Variants in CARD8 observed in about 807,000 individuals in gnomAD.
CARD8 encodes caspase recruitment domain-containing protein 8.
A neutral mutation model predicts 53.2 loss-of-function variants in CARD8; 38 were observed. The observed-to-expected ratio is 0.71, with a 90% CI of 0.55 to 0.94. The LOEUF (loss-of-function observed/expected upper bound fraction) is 0.94. Among genes scored for constraint, CARD8 ranks in the 40% least tolerant of loss-of-function variants. CARD8 has a pLI of 0.00. For synonymous variants in CARD8, 245 were observed against 244.9 expected (o/e 1.00, Z 0.00); for missense variants, 561 against 655.5 (o/e 0.86, Z 1.57).
Position 48,249,826 on chromosome 19 carries a change from T to C in CARD8, c.-230A>G, listed in dbSNP as rs1404135864. The C allele has an allele frequency of 6.6e-6, 1 of 152,326 alleles. No homozygotes were observed. The highest frequency in any genetic ancestry group is 6.5e-5 in the Admixed American group (1 of 15,272). The allele number at this position is 152,326 out of a possible 1,614,324, so 9.4% of individuals were successfully genotyped here. On this transcript the variant is annotated 5_prime_UTR_variant, in exon 2 of 14. Transcript: ENST00000651546. ...TTGCTTGGACACTGCCAGGCTGCTC[T>C]GTGTTCTGTTCCTCTTGGTCACTTG...
At chr19:48,218,443 C>T (rs543245209) in intron 12 of CARD8, among the ~76,000 whole-genome samples, 15 of 151,190 alleles carry the variant, frequency 9.9e-5, no homozygotes, top group Admixed American at 8.6e-4. Flanking sequence ...CTGCAACCCC[C>T]TCCTGGGTTC....
chr19:48,205,803 G>A (rs2037321961), downstream of CARD8, among the ~76,000 whole-genome samples: 1 of 152,214 alleles, frequency 6.6e-6, no homozygotes, highest in South Asian at 2.1e-4. Flanking sequence ...TGAGTAGGGA[G>A]TGAGGCATGA....
At position 48,208,396 on chromosome 19, in the gene CARD8, G is replaced by C. The variant is rs1047939091; in HGVS notation, c.*3314C>G. On this transcript the variant is annotated 3_prime_UTR_variant, in exon 14 of 14. Transcript: ENST00000651546. ...CACCCAATCTCATAGGCACACACAG[G>C]ATAGATCCGAATACCACTGCAAAGA... 2 of 152,124 alleles carry C rather than the reference G, an allele frequency of 1.3e-5. No homozygotes were observed. The highest frequency in any genetic ancestry group is 4.8e-5 in the African/African-American group (2 of 41,438). 9.4% of individuals were successfully genotyped at this position (152,124 alleles called of 1,614,324 possible).
intron 6 of CARD8, 168 bp downstream of exon 6, chr19:48,234,235 G>A: frequency 1.6e-6 from 1 of 638,988 alleles, no homozygotes. Context: ...AAACCTCATT[G>A]CTTAAGGTTT....
chr19:48,236,205 CTATTTT>C (rs895738943), intron 5 of CARD8, among the ~76,000 whole-genome samples: 5 of 152,196 alleles, frequency 3.3e-5, no homozygotes, highest in African/African-American at 1.2e-4. Context: ...GGTTTCATTT[CTATTTT>C]TATTTTTATT....
At chr19:48,207,035 G>GCA (rs2037375369), downstream of CARD8, among the ~76,000 whole-genome samples, 1 of 151,908 alleles carries the variant, frequency 6.6e-6, no homozygotes, top group Non-Finnish European at 1.5e-5. Flanking sequence ...GGGCGTGGTG[G>GCA]TGGGCACCTG....
chr19:48,232,606 G>C (rs954417702), intron 6 of CARD8, 113 bp from the exon 7 acceptor site: 1 of 870,868 alleles, frequency 1.1e-6, no homozygotes. Flanking sequence ...TAGAGTAGCC[G>C]CTACCCGGAT....
intron 1 of CARD8, 138 bp from the exon 2 acceptor site, chr19:48,249,985 T>G (rs1039473531): frequency 9.8e-6 from 1 of 101,868 alleles, no homozygotes; most frequent in Non-Finnish European, 1.9e-5. Flanking sequence ...TTCAATGACT[T>G]GGCTGGGACA....
chr19:48,249,073 T>C (rs1400030106), intron 3 of CARD8, among the ~76,000 whole-genome samples: 4 of 152,096 alleles, frequency 2.6e-5, no homozygotes, highest in Non-Finnish European at 4.4e-5. Flanking sequence ...GGCGGGCGCC[T>C]GTCACCCCAG....
chr19:48,216,401 C>G (rs937562757), intron 12 of CARD8, among the ~76,000 whole-genome samples: 5 of 152,174 alleles, frequency 3.3e-5, no homozygotes, highest in African/African-American at 1.2e-4. Flanking sequence ...AAACAAAACT[C>G]TGACAATCTG....
intron 11 of CARD8, among the ~76,000 whole-genome samples, chr19:48,221,160 A>G (rs1436099555): frequency 2.6e-5 from 4 of 152,202 alleles, no homozygotes; most frequent in South Asian, 4.1e-4. Context: ...GGAAAAATGT[A>G]AAACCATATG....
In CARD8 at chr19:48,215,293, T is replaced by G. The variant is rs770028248; in HGVS notation, c.1348+47A>C. ...CTTCCACTGTCACTCAAAGACCCCT[T>G]GATGTCTCATACATACCCTTGGCTT... On this transcript the variant is annotated intron_variant, in intron 13 of 13. Coordinates refer to ENST00000651546, the MANE Select transcript of CARD8 (RefSeq NM_001184900.3). The G allele has an allele frequency of 5.0e-6, 7 of 1,403,102 alleles. No individual in the cohort carries two copies. In the East Asian group the frequency reaches 1.6e-4, roughly 32 times the overall value. 86.9% of individuals were successfully genotyped at this position (1,403,102 alleles called of 1,614,324 possible).
rs553544880 is a variant in CARD8, at chr19:48,249,514, C to T, written c.-44+9G>A. ...AGAAGTAAGTGTAGTCGTGTTTTTT[C>T]CTACTCACATTGAAGATGGCCCAGA... On this transcript the variant is annotated intron_variant, in intron 3 of 13. Coordinates refer to ENST00000651546, the MANE Select transcript of CARD8 (RefSeq NM_001184900.3). 6.6e-6 allele frequency: 1 copy of T among 152,210 alleles called. No individual in the cohort carries two copies. The highest frequency in any genetic ancestry group is 6.5e-5 in the Admixed American group (1 of 15,280). The allele number at this position is 152,210 out of a possible 1,614,324, so 9.4% of individuals were successfully genotyped here.
At chr19:48,255,705 G>C (rs1029228593) in intron 1 of CARD8, 87 bp downstream of exon 1, 1 of 152,142 alleles carries the variant, frequency 6.6e-6, no homozygotes, top group African/African-American at 2.4e-5. Flanking sequence ...TGCTGACTAA[G>C]AGGAACAGAA....
At chr19:48,227,233 G>A (rs924948998) in intron 10 of CARD8, among the ~76,000 whole-genome samples, 2 of 152,170 alleles carry the variant, frequency 1.3e-5, no homozygotes, top group African/African-American at 4.8e-5. Context: ...AGAAAGTTGA[G>A]TCAATATATA....
At chr19:48,230,381 G>C (rs2042616254) in intron 10 of CARD8, 57 bp downstream of exon 10, 1 of 1,538,586 alleles carries the variant, frequency 6.5e-7, no homozygotes, top group Non-Finnish European at 8.8e-7. Flanking sequence ...GGGGCCAAGG[G>C]GATAACCTGG....
intron 10 of CARD8, among the ~76,000 whole-genome samples, chr19:48,223,083 C>G (rs959598526): frequency 1.3e-5 from 2 of 152,116 alleles, no homozygotes; most frequent in Non-Finnish European, 2.9e-5. Flanking sequence ...GCAGGCAGAT[C>G]ACCTGAGGTC....
chr19:48,237,142 GGTTTAATTGGC>G (rs1216404484), intron 5 of CARD8, among the ~76,000 whole-genome samples: 1 of 152,018 alleles, frequency 6.6e-6, no homozygotes, highest in Non-Finnish European at 1.5e-5. Flanking sequence ...AAAGAAAAGA[GGTTTAATTGGC>G]TCATGGTGCT....
At chr19:48,254,831 C>A (rs757238639) in intron 1 of CARD8, among the ~76,000 whole-genome samples, 1 of 152,148 alleles carries the variant, frequency 6.6e-6, no homozygotes, top group East Asian at 1.9e-4. Flanking sequence ...ACAAAACCCA[C>A]AACCTTACAT....
Sources: gnomAD v4.1 joint callset for allele counts (sites outside exome capture counted in the v4.1 genomes callset) on GRCh38, gnomAD v4.1.1 for gene constraint, MANE v1.5 for transcripts, NCBI Gene and HGNC (gene_info 2026-07-23, HGNC 2026-07-21) for gene names.